Variants in EPHA10 observed in about 807,000 individuals in gnomAD.
EPHA10 encodes the protein EPH receptor A10, also known as ephrin type-A receptor 10.
A neutral mutation model predicts 109.7 loss-of-function variants in EPHA10; 120 were observed. That is an observed-to-expected ratio of 1.09 (90% CI 0.94 to 1.27). EPHA10 has a LOEUF of 1.27. Ranked by LOEUF, EPHA10 falls within the 50% of genes most tolerant of loss-of-function variation. The probability of loss-of-function intolerance (pLI) is 0.00; values close to 1 mark genes in which losing one functional copy is unlikely to be tolerated. For missense variants in EPHA10, 1,396 were observed against 1,411.1 expected, an observed-to-expected ratio of 0.99 and a Z score of 0.17; for synonymous variants, 640 against 618.9, an observed-to-expected ratio of 1.03 and a Z score of -0.51.
chr1:37,736,235 G>A (rs115779060), intron 5 of EPHA10, among the ~76,000 whole-genome samples: 1,612 of 152,136 alleles, frequency 0.011, 29 homozygotes, highest in African/African-American at 0.037. Context: ...ATCACTTGAC[G>A]TCAGGTCGAG....
At chr1:37,731,611 C>A (rs1396169373) in intron 6 of EPHA10, 29 bp from the exon 7 acceptor site, 1 of 1,576,486 alleles carries the variant, frequency 6.3e-7, no homozygotes, top group Non-Finnish European at 8.6e-7. Flanking sequence ...GTGAAGCCCA[C>A]CAGCGCCAGA....
In EPHA10 at chr1:37,731,406, C is replaced by T. The variant is rs1217998410; in HGVS notation, c.1663+5G>A. 1 of 1,597,640 alleles carries T rather than the reference C, an allele frequency of 6.3e-7. No homozygotes were observed. Among genetic ancestry groups the T allele is most frequent in the African/African-American group, 1.3e-5 (1 of 74,578 alleles). On this transcript the variant is annotated splice_donor_5th_base_variant and intron_variant, in intron 7 of 16. Coordinates refer to ENST00000373048, the MANE Select transcript of EPHA10 (RefSeq NM_001099439.2). ...GGTCCCTGTCCACTCACACACACTA[C>T]TTACCCTCCCCCAGGGTCTGTACTT...
chr1:37,747,893 A>G (rs962996970), intron 5 of EPHA10, among the ~76,000 whole-genome samples: 1 of 152,246 alleles, frequency 6.6e-6, no homozygotes, highest in Non-Finnish European at 1.5e-5. Context: ...ATAATTAAGA[A>G]AAAAGACAGA....
Position 37,717,733 on chromosome 1 carries a change from A to G in EPHA10, c.*639T>C. On this transcript the variant is annotated 3_prime_UTR_variant, in exon 17 of 17. Coordinates refer to ENST00000373048, the MANE Select transcript of EPHA10 (RefSeq NM_001099439.2). ...TGAACTGTCAGCCCAAGGCAGGGGG[A>G]CACAGAAACCAGATCCTGAGTCTAG... 4.3e-6 allele frequency: 1 copy of G among 230,850 alleles called. No individual in the cohort carries two copies. Among genetic ancestry groups the G allele is most frequent in the Non-Finnish European group, 8.6e-6 (1 of 116,696 alleles). The allele number at this position is 230,850 out of a possible 1,614,324, so 14.3% of individuals were successfully genotyped here.
rs182568246 is a variant in EPHA10 at position 37,731,504 on chromosome 1, G to A, written c.1570C>T (p.Arg524Cys). The change falls in exon 7 of 17, where the codon CGC (arginine) becomes TGC (cysteine). Residue 524 changes from arginine to cysteine, a missense_variant. Physicochemically the swap from Arg to Cys is radical, Grantham distance 180. Transcript: ENST00000373048. The part of the protein sequence containing the change: ...VTVTNLKPAT[R>C]YVFQIRAASP... ...GCGGCCCGGATCTGAAAGACGTAGC[G>A]GGTAGCCGGCTTCAGGTTGGTGACG... The A allele has an allele frequency of 2.1e-4, 339 of 1,614,116 alleles. 2 individuals are homozygous for A. In the East Asian group the frequency reaches 4.4e-3, roughly 21 times the overall value.
intron 5 of EPHA10, among the ~76,000 whole-genome samples, chr1:37,748,555 A>T: frequency 6.6e-6 from 1 of 152,162 alleles, no homozygotes; most frequent in Non-Finnish European, 1.5e-5. Flanking sequence ...CTTGACAAAG[A>T]ACACATTACA....
chr1:37,752,096 G>A (rs1646336714), intron 5 of EPHA10, among the ~76,000 whole-genome samples: 1 of 152,054 alleles, frequency 6.6e-6, no homozygotes, highest in African/African-American at 2.4e-5. Context: ...GATTAGGAAG[G>A]GAGTCAGAAA....
chr1:37,722,188 A>G, intron 10 of EPHA10: 1 of 240,708 alleles, frequency 4.2e-6, no homozygotes, highest in Non-Finnish European at 8.3e-6. Context: ...TGGTAAACTG[A>G]GTACCAGCAG....
chr1:37,758,006 C>T (rs548288824), intron 3 of EPHA10, among the ~76,000 whole-genome samples: 1 of 152,336 alleles, frequency 6.6e-6, no homozygotes, highest in South Asian at 2.1e-4. Flanking sequence ...TCTGTCTCCA[C>T]CCTGGATCTC....
In EPHA10 at chr1:37,752,938, G is replaced by C. The variant is rs1408557528; in HGVS notation, c.1295C>G (p.Ser432Trp). 7.6e-7 allele frequency: 1 copy of C among 1,307,402 alleles called. No individual in the cohort carries two copies. 81.0% of individuals were successfully genotyped at this position (1,307,402 alleles called of 1,614,324 possible). ...TVRVAALNGV[S>W]GPAAAAGTTY... The stretch of plus-strand genomic sequence containing the variant: ...GGTTCCCGCGGCGGCCGCCGGGCCC[G>C]AGACGCCGTTGAGCGCGGCCACGCG... The change falls in exon 5 of 17, where the codon TCG (serine) becomes TGG (tryptophan). Residue 432 changes from serine to tryptophan, a missense_variant. Physicochemically the swap from Ser to Trp is radical, Grantham distance 177. Coordinates refer to ENST00000373048, the MANE Select transcript of EPHA10 (RefSeq NM_001099439.2).
rs1485447439 is a variant in EPHA10, at chr1:37,764,621, T to C, written c.106+340A>G. Among the ~76,000 whole-genome samples the C allele has an allele frequency of 6.6e-6, 1 of 152,110 alleles. No individual in the cohort carries two copies. The highest frequency in any genetic ancestry group is 1.5e-5 in the Non-Finnish European group (1 of 68,014). ...TTCCGAGCTCACCTCCGCATCTCCC[T>C]GTCTCCACTCTTCATCTCCCCGCCC... On this transcript the variant is annotated intron_variant, in intron 1 of 16. Transcript: ENST00000373048. This position sits in a 1 kb window ranked among gnomAD's most constrained non-coding sequence, Gnocchi z 5.8.
chr1:37,726,790 C>T (rs1028027725), intron 8 of EPHA10, among the ~76,000 whole-genome samples: 4 of 152,220 alleles, frequency 2.6e-5, no homozygotes, highest in African/African-American at 7.2e-5. Flanking sequence ...TGAGCTCCTC[C>T]GGAGAATTCT....
chr1:37,750,836 G>GTTTTC (rs1333275051), intron 5 of EPHA10, among the ~76,000 whole-genome samples: 5 of 151,896 alleles, frequency 3.3e-5, no homozygotes, highest in Non-Finnish European at 4.4e-5. Context: ...ATGAGCCACT[G>GTTTTC]TTCCCGGCCT....
chr1:37,748,337 C>T (rs1318224576), intron 5 of EPHA10, among the ~76,000 whole-genome samples: 2 of 152,034 alleles, frequency 1.3e-5, no homozygotes, highest in African/African-American at 2.4e-5. Context: ...CCAGCCTGGG[C>T]GACAGAGACT....
chr1:37,742,853 T>G (rs1046073814), intron 5 of EPHA10, among the ~76,000 whole-genome samples: 12 of 151,982 alleles, frequency 7.9e-5, no homozygotes, highest in African/African-American at 2.9e-4. Flanking sequence ...AAAAGTTAGC[T>G]AGGCATGTTG....
intron 7 of EPHA10, among the ~76,000 whole-genome samples, 182 bp from the exon 8 acceptor site, chr1:37,727,392 GAGCTTCCTCTGCTCTC>G (rs1299947372): frequency 6.6e-6 from 1 of 152,228 alleles, no homozygotes; most frequent in Non-Finnish European, 1.5e-5. Context: ...GGAGTCCCAA[GAGCTTCCTCTGCTCTC>G]AGGGCAGAAC....
chr1:37,765,078 C>A lies in EPHA10; in HGVS notation c.-12G>T. The A allele has an allele frequency of 6.3e-7, 1 of 1,582,512 alleles. No individual in the cohort carries two copies. The highest frequency in any genetic ancestry group is 8.6e-7 in the Non-Finnish European group (1 of 1,168,340). On this transcript the variant is annotated 5_prime_UTR_variant, in exon 1 of 17. Coordinates refer to ENST00000373048, the MANE Select transcript of EPHA10 (RefSeq NM_001099439.2). The stretch of plus-strand genomic sequence containing the variant: ...GCGCAGGTCTCCATGGTCCGCAGAC[C>A]GAGCTGTCAGTCCGGCGGCGGCTCA...
chr1:37,753,060 C>T lies in EPHA10; in HGVS notation c.1173G>A (p.Pro391=). The part of the protein sequence containing the change: ...GREGPAGACE[P]CGPRVAFLPR... Reference sequence around the variant, plus strand: ...GTAGGAAGGCCACGCGCGGCCCGCACGGCTCGCAGGCGCCCGCCGGGCCCT... The same window carrying T: ...GTAGGAAGGCCACGCGCGGCCCGCATGGCTCGCAGGCGCCCGCCGGGCCCT... Residue 391 remains proline (P), a synonymous_variant, in exon 5 of 17, where the codon CCG becomes CCA. Coordinates refer to ENST00000373048, the MANE Select transcript of EPHA10 (RefSeq NM_001099439.2). 7.9e-7 allele frequency: 1 copy of T among 1,259,976 alleles called. No homozygotes were observed. Among genetic ancestry groups the T allele is most frequent in the East Asian group, 3.5e-5 (1 of 28,402 alleles). 78.0% of individuals were successfully genotyped at this position (1,259,976 alleles called of 1,614,324 possible).
Position 37,764,988 on chromosome 1 carries a change from G to A in EPHA10, c.79C>T (p.Pro27Ser), listed in dbSNP as rs776056929. ...TCCTCGGCGGTCCCAGGCCGCCAGG[G>A]TCCCAAAAGCAGCGCGAGACAGAGC... ...MQLCLALLLG[P>S]WRPGTAEEVI... Residue 27 changes from proline to serine, a missense_variant, in exon 1 of 17, where the codon CCC becomes TCC. Physicochemically the swap from Pro to Ser is moderately conservative, Grantham distance 74. Coordinates refer to ENST00000373048, the MANE Select transcript of EPHA10 (RefSeq NM_001099439.2). The surrounding 1 kb of genome is among the most constrained non-coding windows in gnomAD (Gnocchi z 5.8). The A allele has an allele frequency of 3.7e-6, 6 of 1,610,414 alleles. No individual in the cohort carries two copies. Among genetic ancestry groups the A allele is most frequent in the Non-Finnish European group, 4.2e-6 (5 of 1,179,184 alleles).
Sources: allele counts gnomAD v4.1 joint callset (sites outside exome capture counted in the v4.1 genomes callset), GRCh38; gene constraint gnomAD v4.1.1; non-coding constraint Gnocchi (gnomAD v3.1); transcripts MANE v1.5; gene names NCBI Gene and HGNC (gene_info 2026-07-23, HGNC 2026-07-21).